The following ZC3HAV1 variants were observed in gnomAD, a reference collection of about 807,000 sequenced individuals.
ZC3HAV1 encodes the protein zinc finger CCCH-type containing, antiviral 1.
ZC3HAV1 carries 41 observed loss-of-function variants against 86.6 expected under a neutral mutation model. The observed-to-expected ratio is 0.47, with a 90% CI of 0.37 to 0.61. The LOEUF (loss-of-function observed/expected upper bound fraction) is 0.61, where lower values mean the gene tolerates loss of function less well. ZC3HAV1 is among the 20% of genes least tolerant of loss of function. ZC3HAV1 has a pLI of 0.00. For missense variants in ZC3HAV1, 964 were observed against 1,141.1 expected, an observed-to-expected ratio of 0.84 and a Z score of 2.24; for synonymous variants, 421 against 432.1, an observed-to-expected ratio of 0.97 and a Z score of 0.32.
At position 139,080,846 on chromosome 7, in the gene ZC3HAV1, G is replaced by A. The variant is rs1227204959; in HGVS notation, c.698-603C>T. ...GATTTTCCAGAAAGCATTCGATTTT[G>A]CCCATATCGTGATACGGGTGTACCT... is the stretch of plus-strand genomic sequence containing the variant. On this transcript the variant is annotated intron_variant, in intron 3 of 12. Coordinates refer to ENST00000242351, the MANE Select transcript of ZC3HAV1 (RefSeq NM_020119.4). Among the ~76,000 whole-genome samples, 4 of 152,174 alleles carry A rather than the reference G, an allele frequency of 2.6e-5. 1 individual carries two copies. The highest frequency in any genetic ancestry group is 9.7e-5 in the African/African-American group (4 of 41,446).
At chr7:139,055,478 T>C (rs2297239) in intron 9 of ZC3HAV1, among the ~76,000 whole-genome samples, 183 bp from the exon 10 acceptor site, 94,774 of 152,116 alleles carry the variant, frequency 0.62, 29,695 homozygotes, top group East Asian at 0.7. Context: ...ATCATGTCTT[T>C]TAAAAATGCT....
chr7:139,074,746 A>G (rs1816885258), intron 6 of ZC3HAV1, among the ~76,000 whole-genome samples: 1 of 152,012 alleles, frequency 6.6e-6, no homozygotes, highest in Non-Finnish European at 1.5e-5. Context: ...ATATGTATAT[A>G]GTATTAAATA....
Position 139,074,215 on chromosome 7 carries a change from G to A in ZC3HAV1, c.1698-185C>T, listed in dbSNP as rs138636016. Among the ~76,000 whole-genome samples, 163 of 152,184 alleles carry A rather than the reference G, an allele frequency of 1.1e-3. 4 individuals are homozygous for A. Among genetic ancestry groups the A allele is most frequent in the African/African-American group, 3.7e-3 (153 of 41,524 alleles). ...GGAAACGCAGAGAGGAAAGTGACTC[G>A]CCTGCACCACATAATTAATGGTGTT... On this transcript the variant is annotated intron_variant, in intron 6 of 12. Transcript: ENST00000242351.
chr7:139,065,532 T>C (rs1816573578), intron 7 of ZC3HAV1, among the ~76,000 whole-genome samples: 1 of 152,142 alleles, frequency 6.6e-6, no homozygotes. Flanking sequence ...CCAGAGTAAG[T>C]AAACAAAATT....
At chr7:139,050,892 A>G (rs1176370975) in intron 12 of ZC3HAV1, among the ~76,000 whole-genome samples, 2 of 152,050 alleles carry the variant, frequency 1.3e-5, no homozygotes, top group Non-Finnish European at 2.9e-5. Context: ...AAAACCTTTC[A>G]TTAGTTTCCC....
At chr7:139,104,313 A>G (rs553634717) in intron 1 of ZC3HAV1, among the ~76,000 whole-genome samples, 1 of 152,334 alleles carries the variant, frequency 6.6e-6, no homozygotes, top group South Asian at 2.1e-4. Flanking sequence ...AAAGCAAGGT[A>G]AAGACCCTTA....
At chr7:139,064,079 T>G (rs781436762) in intron 8 of ZC3HAV1, among the ~76,000 whole-genome samples, 1 of 152,254 alleles carries the variant, frequency 6.6e-6, no homozygotes, top group Non-Finnish European at 1.5e-5. Flanking sequence ...TCACTTGACA[T>G]GTACTGCCAG....
At chr7:139,054,166 C>A in intron 10 of ZC3HAV1, 71 bp from the exon 11 acceptor site, 1 of 1,406,406 alleles carries the variant, frequency 7.1e-7, no homozygotes, top group East Asian at 2.6e-5. Context: ...ACATATGTGC[C>A]CCCTTATGCC....
intron 1 of ZC3HAV1, among the ~76,000 whole-genome samples, chr7:139,097,414 A>ATTTT (rs1214039926): frequency 4.5e-4 from 34 of 75,594 alleles, no homozygotes; most frequent in Admixed American, 6.5e-4. Context: ...ATATATATAT[A>ATTTT]TATATATATA....
At chr7:139,087,542 A>T (rs532555091) in intron 2 of ZC3HAV1, among the ~76,000 whole-genome samples, 2 of 152,234 alleles carry the variant, frequency 1.3e-5, no homozygotes, top group African/African-American at 4.8e-5. Flanking sequence ...CAAATGGGAC[A>T]TATTTTCCTC....
At chr7:139,101,271 T>C in intron 1 of ZC3HAV1, among the ~76,000 whole-genome samples, 1 of 151,248 alleles carries the variant, frequency 6.6e-6, no homozygotes, top group East Asian at 2.0e-4. Context: ...CCACCCCGTC[T>C]GGGAAGTGAG....
Position 139,069,752 on chromosome 7 carries a change from T to C in ZC3HAV1, c.1872+4104A>G, listed in dbSNP as rs372527560. Among the ~76,000 whole-genome samples, 13 of 152,346 alleles carry C rather than the reference T, an allele frequency of 8.5e-5. No homozygotes were observed. In the East Asian group the frequency reaches 9.6e-4, roughly 11 times the overall value. ...TGAGAGCTCATAATCAAAGCATATG[T>C]GCCTACTCTGTTGGCAGAAGTTTCT... On this transcript the variant is annotated intron_variant, in intron 7 of 12. Transcript: ENST00000242351.
chr7:139,085,652 C>T (rs558456658), intron 2 of ZC3HAV1, among the ~76,000 whole-genome samples: 2 of 152,304 alleles, frequency 1.3e-5, no homozygotes, highest in South Asian at 4.1e-4. Flanking sequence ...CTCTGCACTG[C>T]CTCTTACACT....
intron 8 of ZC3HAV1, among the ~76,000 whole-genome samples, chr7:139,062,565 A>T (rs1816475252): frequency 6.6e-6 from 1 of 152,304 alleles, no homozygotes; most frequent in Admixed American, 6.5e-5. Flanking sequence ...CCACTTTCTG[A>T]AATGGCCTGA....
chr7:139,101,189 G>C (rs1817749233), intron 1 of ZC3HAV1, among the ~76,000 whole-genome samples: 1 of 151,934 alleles, frequency 6.6e-6, no homozygotes, highest in Admixed American at 6.6e-5. Context: ...ATCTCGGCTA[G>C]CTACAACCTC....
At chr7:139,064,836 C>A (rs75367132) in intron 8 of ZC3HAV1, 43 bp downstream of exon 8, 90,609 of 1,613,478 alleles carry the variant, frequency 0.056, 2,779 homozygotes, top group Non-Finnish European at 0.064. Flanking sequence ...ACACTGCAGG[C>A]GGATTTCAAT....
intron 1 of ZC3HAV1, among the ~76,000 whole-genome samples, chr7:139,105,346 A>G (rs1019947879): frequency 6.6e-6 from 1 of 152,218 alleles, no homozygotes; most frequent in Admixed American, 6.5e-5. Flanking sequence ...TGGGACTTAA[A>G]ATACTACCTT....
intron 2 of ZC3HAV1, among the ~76,000 whole-genome samples, chr7:139,088,030 TC>T (rs1429422764): frequency 8.1e-5 from 4 of 49,686 alleles, no homozygotes; most frequent in African/African-American, 3.6e-4. Flanking sequence ...AGATCCTGTC[TC>T]AAAAAAAAAA....
chr7:139,100,017 ATACTT>A (rs1227556815), intron 1 of ZC3HAV1, among the ~76,000 whole-genome samples: 1 of 152,010 alleles, frequency 6.6e-6, no homozygotes, highest in Non-Finnish European at 1.5e-5. Flanking sequence ...CAAAAAATAA[ATACTT>A]TATCTCAAAA....
Sources: gnomAD v4.1 joint callset for allele counts (sites outside exome capture counted in the v4.1 genomes callset) on GRCh38, gnomAD v4.1.1 for gene constraint, MANE v1.5 for transcripts, NCBI Gene and HGNC (gene_info 2026-07-23, HGNC 2026-07-21) for gene names.